Variants in TLK1 observed in about 807,000 individuals in gnomAD.
The protein encoded by TLK1 is tousled like kinase 1, also known as serine/threonine-protein kinase tousled-like 1.
In TLK1, 24 loss-of-function variants were observed where a neutral mutation model predicts 105.3. The observed-to-expected ratio is 0.23, with a 90% CI of 0.17 to 0.32. The LOEUF is 0.32. TLK1 is among the 10% of genes least tolerant of loss of function. TLK1 has a pLI of 1.00. For synonymous variants in TLK1, 321 were observed against 310.4 expected (o/e 1.03, Z -0.36); for missense variants, 558 against 910.5 (o/e 0.61, Z 4.98).
chr2:171,096,243 T>C (rs767217806), intron 2 of TLK1, among the ~76,000 whole-genome samples: 1 of 152,132 alleles, frequency 6.6e-6, no homozygotes, highest in Non-Finnish European at 1.5e-5. Flanking sequence ...CTCATGCCTG[T>C]AATTCCAGCA....
chr2:171,222,324 C>T lies in TLK1; in HGVS notation c.-6+8821G>A, dbSNP rs955340869. Among the ~76,000 whole-genome samples the T allele has an allele frequency of 2.6e-5, 4 of 152,002 alleles. No individual in the cohort carries two copies. The South Asian group carries it at 6.2e-4, about 24-fold the overall frequency. ...AAGCAAAACCTACTATTTCCTAATT[C>T]TTTTTTATTTATTTATTTATTTATT... On this transcript the variant is annotated intron_variant, in intron 1 of 20. Coordinates refer to the TLK1 transcript ENST00000521943.
intron 3 of TLK1, among the ~76,000 whole-genome samples, chr2:171,067,308 C>T (rs1024021530): frequency 7.0e-6 from 1 of 143,312 alleles, no homozygotes; most frequent in Non-Finnish European, 1.5e-5. Context: ...TACAGGCACC[C>T]GCCACCACAC....
At chr2:171,139,419 G>A (rs1038037007) in intron 1 of TLK1, among the ~76,000 whole-genome samples, 5 of 152,014 alleles carry the variant, frequency 3.3e-5, no homozygotes, top group South Asian at 2.1e-4. Context: ...ACGACAAGGC[G>A]AAACCCTGTC....
chr2:171,091,036 G>C (rs763537139), intron 2 of TLK1, among the ~76,000 whole-genome samples: 5 of 152,168 alleles, frequency 3.3e-5, no homozygotes, highest in Non-Finnish European at 5.9e-5. Flanking sequence ...TAAGATAGGG[G>C]ATCAGCAAAC....
chr2:171,078,453 G>A (rs368654026), intron 3 of TLK1, among the ~76,000 whole-genome samples: 3 of 151,960 alleles, frequency 2.0e-5, no homozygotes, highest in East Asian at 1.9e-4. Flanking sequence ...CAGGAGAATC[G>A]CTTGAACCTG....
At chr2:171,083,860 G>A (rs1326957042) in intron 2 of TLK1, among the ~76,000 whole-genome samples, 1 of 152,082 alleles carries the variant, frequency 6.6e-6, no homozygotes, top group Non-Finnish European at 1.5e-5. Context: ...GTAGTACTTG[G>A]AATAAGTTAT....
intron 8 of TLK1, among the ~76,000 whole-genome samples, chr2:171,051,811 A>C (rs918690517): frequency 6.6e-5 from 10 of 152,240 alleles, no homozygotes; most frequent in African/African-American, 2.4e-4. Flanking sequence ...AAACAGATCC[A>C]CCTGTATACT....
At chr2:171,199,281 T>A (rs1001635580) in intron 1 of TLK1, among the ~76,000 whole-genome samples, 1 of 151,942 alleles carries the variant, frequency 6.6e-6, no homozygotes, top group African/African-American at 2.4e-5. Context: ...AAGGCCAAGG[T>A]GAAAGGATTG....
At chr2:171,230,577 C>T (rs10203448) in intron 1 of TLK1, among the ~76,000 whole-genome samples, 9,542 of 152,184 alleles carry the variant, frequency 0.063, 610 homozygotes, top group East Asian at 0.24. Flanking sequence ...TCTAAAACCC[C>T]TAAACACCCT....
intron 1 of TLK1, among the ~76,000 whole-genome samples, chr2:171,127,676 T>C (rs1174844576): frequency 6.6e-6 from 1 of 152,142 alleles, no homozygotes; most frequent in Non-Finnish European, 1.5e-5. Flanking sequence ...TAGAATTATA[T>C]ATAGATATAT....
At chr2:171,075,830 T>C (rs1426534885) in intron 3 of TLK1, among the ~76,000 whole-genome samples, 4 of 152,194 alleles carry the variant, frequency 2.6e-5, no homozygotes, top group South Asian at 2.1e-4. Context: ...GGCTTAGGTA[T>C]AGACAGCAAC....
chr2:171,022,114 C>CAA (rs1553605685), intron 12 of TLK1, among the ~76,000 whole-genome samples: 1 of 151,684 alleles, frequency 6.6e-6, no homozygotes, highest in Non-Finnish European at 1.5e-5. Context: ...CACACACACA[C>CAA]ACACACACAC....
At chr2:171,084,754 A>C (rs144479801) in intron 2 of TLK1, among the ~76,000 whole-genome samples, 1 of 152,310 alleles carries the variant, frequency 6.6e-6, no homozygotes, top group African/African-American at 2.4e-5. Flanking sequence ...GAACTAAGAG[A>C]TATTACAAAA....
chr2:171,139,325 T>C (rs2105573507), intron 1 of TLK1, among the ~76,000 whole-genome samples: 1 of 152,288 alleles, frequency 6.6e-6, no homozygotes, highest in South Asian at 2.1e-4. Context: ...TGGCTGGGCA[T>C]GGTGGCTCAC....
intron 11 of TLK1, among the ~76,000 whole-genome samples, chr2:171,043,699 T>A (rs1026251827): frequency 3.3e-5 from 5 of 152,182 alleles, no homozygotes; most frequent in African/African-American, 1.2e-4. Flanking sequence ...CTAGCAGGAC[T>A]GGGCATCTAC....
At chr2:171,165,093 C>A (rs925385429), upstream of TLK1, among the ~76,000 whole-genome samples, 2 of 152,188 alleles carry the variant, frequency 1.3e-5, no homozygotes, top group Non-Finnish European at 2.9e-5. Context: ...ATCTCAAGAG[C>A]AAGAAGAGAT....
chr2:171,160,833 C>T lies in TLK1; in HGVS notation c.-405G>A. ...TCTGCAGTGCGTCGGCCCCCGGCGTCGCCCGGGAGGCGGCGGCGGCGGGCT... is the reference window on the plus strand; with the variant it reads ...TCTGCAGTGCGTCGGCCCCCGGCGTTGCCCGGGAGGCGGCGGCGGCGGGCT... On this transcript the variant is annotated 5_prime_UTR_variant, in exon 1 of 21. Transcript: ENST00000431350. This position sits in a 1 kb window ranked among gnomAD's most constrained non-coding sequence, Gnocchi z 4.4. The T allele has an allele frequency of 1.2e-5, 4 of 338,260 alleles. No individual in the cohort carries two copies. Among genetic ancestry groups the T allele is most frequent in the Non-Finnish European group, 2.1e-5 (4 of 189,434 alleles). 21.0% of individuals were successfully genotyped at this position (338,260 alleles called of 1,614,324 possible). A position where few individuals can be genotyped will look rare whatever the true frequency, so the allele number is the denominator to read the frequency against.
chr2:171,200,327 A>C (rs1195022510), intron 1 of TLK1, among the ~76,000 whole-genome samples: 1 of 152,146 alleles, frequency 6.6e-6, no homozygotes, highest in Non-Finnish European at 1.5e-5. Flanking sequence ...GTTGCGTGAT[A>C]TCATTACTTA....
chr2:171,208,363 A>AG (rs11440756), intron 1 of TLK1, among the ~76,000 whole-genome samples: 149,369 of 152,228 alleles, frequency 0.98, 73,335 homozygotes, highest in East Asian at 1. Context: ...AAATCATTGA[A>AG]GGATTTTAAT....
Sources: gnomAD v4.1 joint callset for allele counts (sites outside exome capture counted in the v4.1 genomes callset) on GRCh38, gnomAD v4.1.1 for gene constraint, Gnocchi (gnomAD v3.1) non-coding constraint, MANE v1.5 for transcripts, NCBI Gene and HGNC (gene_info 2026-07-23, HGNC 2026-07-21) for gene names.